ABLIM2: variants seen among roughly 807,000 people sequenced by gnomAD.
ABLIM2 encodes actin binding LIM protein family member 2, also known as actin-binding LIM protein 2.
Under a neutral mutation model 97.7 loss-of-function variants are expected in ABLIM2, and 53 were observed. The ratio of observed to expected loss-of-function variants is 0.54; its 90% confidence interval spans 0.44 to 0.68. ABLIM2 has a LOEUF of 0.68. Among genes scored for constraint, ABLIM2 ranks in the 30% least tolerant of loss-of-function variants. The probability of loss-of-function intolerance (pLI) is 0.00; values close to 1 mark genes in which losing one functional copy is unlikely to be tolerated. For synonymous variants in ABLIM2, 361 were observed against 345.8 expected, an observed-to-expected ratio of 1.04 and a Z score of -0.49; for missense variants, 835 against 867.2, an observed-to-expected ratio of 0.96 and a Z score of 0.47.
rs1297518570 is a variant in ABLIM2 at position 8,033,498 on chromosome 4, G to A, written c.1047+2651C>T. Among the ~76,000 whole-genome samples, 3 of 152,230 alleles carry A rather than the reference G, an allele frequency of 2.0e-5. No individual in the cohort carries two copies. Among genetic ancestry groups the A allele is most frequent in the African/African-American group, 7.2e-5 (3 of 41,464 alleles). On this transcript the variant is annotated intron_variant, in intron 10 of 20. Coordinates refer to ENST00000447017, the MANE Select transcript of ABLIM2 (RefSeq NM_001130083.2). The surrounding 1 kb of genome is among the most constrained non-coding windows in gnomAD (Gnocchi z 4.5). ...CGGCCATCGGCATAGAGGAAGCTCT[G>A]TATGGACACACCTGACCCAGGAGCC...
In ABLIM2 at chr4:8,155,021, G is replaced by A. The variant is rs1021961796; in HGVS notation, c.10+3659C>T. On this transcript the variant is annotated intron_variant, in intron 1 of 20. Coordinates refer to ENST00000447017, the MANE Select transcript of ABLIM2 (RefSeq NM_001130083.2). The surrounding 1 kb of genome is among the most constrained non-coding windows in gnomAD (Gnocchi z 4.2). ...ATCACCACCATGAGAACAGTATGGG[G>A]GAAACCACCCCTGTGATTCAATTAT... is the stretch of plus-strand genomic sequence containing the variant. 1.3e-5 allele frequency among the ~76,000 whole-genome samples: 2 copies of A among 152,160 alleles called. No individual in the cohort carries two copies. Among genetic ancestry groups the A allele is most frequent in the African/African-American group, 4.8e-5 (2 of 41,418 alleles).
intron 1 of ABLIM2, among the ~76,000 whole-genome samples, chr4:8,154,826 T>C (rs986837334): frequency 6.6e-6 from 1 of 152,136 alleles, no homozygotes; most frequent in Admixed American, 6.5e-5. Context: ...GACTGGGTAA[T>C]TTGTAAAGGA....
intron 1 of ABLIM2, among the ~76,000 whole-genome samples, chr4:8,141,161 C>T (rs1180682749): frequency 6.6e-6 from 1 of 152,168 alleles, no homozygotes; most frequent in Non-Finnish European, 1.5e-5. Flanking sequence ...CTTGTCTCTT[C>T]CCGGCCATGT....
At chr4:7,967,752 GGAGT>G (rs201214431) in intron 20 of ABLIM2, among the ~76,000 whole-genome samples, 3,381 of 152,360 alleles carry the variant, frequency 0.022, 34 homozygotes, top group Non-Finnish European at 0.037. Flanking sequence ...GGATGCCATA[GGAGT>G]GAGTTAGACC....
At position 8,032,699 on chromosome 4, in the gene ABLIM2, A is replaced by G; in HGVS notation, c.1048-2923T>C. The G allele has an allele frequency of 6.2e-7, 1 of 1,612,362 alleles. No homozygotes were observed. The highest frequency in any genetic ancestry group is 1.3e-5 in the African/African-American group (1 of 75,002). ...GAGGGGACTGTGGACACAACACACA[A>G]AGTGGCCATTAGTGCTGGCGCCAGG... is the stretch of plus-strand genomic sequence containing the variant. On this transcript the variant is annotated intron_variant, in intron 10 of 20. Transcript: ENST00000447017. This position sits in a 1 kb window ranked among gnomAD's most constrained non-coding sequence, Gnocchi z 4.3.
At chr4:8,126,425 C>A (rs1456002757) in intron 1 of ABLIM2, among the ~76,000 whole-genome samples, 1 of 148,114 alleles carries the variant, frequency 6.8e-6, no homozygotes, top group Non-Finnish European at 1.5e-5. Flanking sequence ...CACTGTTCTC[C>A]CTCCCCTCCC....
rs1722866994 is a variant in ABLIM2, at chr4:7,966,123, GA to G, written c.*866del. ...AAGGTTACCTGTGTGACGAGAAAAA[GA>G]AAAAAGAAAAAGAAAAGAAACTAGA... On this transcript the variant is annotated 3_prime_UTR_variant, in exon 21 of 21. Transcript: ENST00000447017. The G allele has an allele frequency of 6.6e-6, 1 of 152,054 alleles. No individual in the cohort carries two copies. Among genetic ancestry groups the G allele is most frequent in the Non-Finnish European group, 1.5e-5 (1 of 68,030 alleles). 9.4% of individuals were successfully genotyped at this position (152,054 alleles called of 1,614,324 possible).
At chr4:8,064,847 G>T (rs911500836) in intron 6 of ABLIM2, among the ~76,000 whole-genome samples, 3 of 152,188 alleles carry the variant, frequency 2.0e-5, no homozygotes, top group Non-Finnish European at 4.4e-5. Flanking sequence ...TTGTAAAAAT[G>T]TACCAAGATG....
chr4:8,034,339 G>A (rs1016611001), intron 10 of ABLIM2, among the ~76,000 whole-genome samples: 7 of 150,736 alleles, frequency 4.6e-5, no homozygotes, highest in African/African-American at 7.3e-5. Context: ...ATGCACATGG[G>A]TGCAGGTAGG....
At chr4:8,143,974 G>A (rs1851408881) in intron 1 of ABLIM2, among the ~76,000 whole-genome samples, 1 of 152,166 alleles carries the variant, frequency 6.6e-6, no homozygotes, top group African/African-American at 2.4e-5. Flanking sequence ...GCGCTCGGAG[G>A]GGAGGACTTA....
chr4:7,966,933 G>T lies in ABLIM2; in HGVS notation c.*57C>A. On this transcript the variant is annotated 3_prime_UTR_variant, in exon 21 of 21. Transcript: ENST00000447017. ...TGTGGGAGGGGTGTGTGCGGTTCTC[G>T]CCAGGGGCCCCTGGCCTCGGCGCCC... 2.2e-6 allele frequency: 3 copies of T among 1,370,208 alleles called. No individual in the cohort carries two copies. The highest frequency in any genetic ancestry group is 3.1e-6 in the Non-Finnish European group (3 of 980,654). The allele number at this position is 1,370,208 out of a possible 1,614,324, so 84.9% of individuals were successfully genotyped here. A position where few individuals can be genotyped will look rare whatever the true frequency, so the allele number is the denominator to read the frequency against.
rs1159627655 is a variant in ABLIM2 at position 8,095,429 on chromosome 4, CTGAACACTTATA to C, written c.338+1658_338+1669del. 6.6e-6 allele frequency among the ~76,000 whole-genome samples: 1 copy of C among 152,126 alleles called. No homozygotes were observed. The highest frequency in any genetic ancestry group is 1.5e-5 in the Non-Finnish European group (1 of 68,028). On this transcript the variant is annotated intron_variant, in intron 3 of 20. Transcript: ENST00000447017. The surrounding 1 kb of genome is among the most constrained non-coding windows in gnomAD (Gnocchi z 4.7). ...ATCACCAGCAAGTTTTGATTGGACA[CTGAACACTTATA>C]AATTTTACGTTGTTGAATGCTGGAT... is the stretch of plus-strand genomic sequence containing the variant.
intron 6 of ABLIM2, among the ~76,000 whole-genome samples, chr4:8,076,625 C>A (rs1027578658): frequency 1.1e-4 from 17 of 152,016 alleles, no homozygotes; most frequent in African/African-American, 3.9e-4. Flanking sequence ...TTCTCGAGAC[C>A]CCCCTGGTCA....
At chr4:8,009,340 C>T (rs796971834) in intron 14 of ABLIM2, among the ~76,000 whole-genome samples, 27 of 152,314 alleles carry the variant, frequency 1.8e-4, no homozygotes, top group African/African-American at 6.3e-4. Flanking sequence ...CAGTTCTAGC[C>T]AAACACCCAC....
rs1383957623 is a variant in ABLIM2, at chr4:8,058,518, A to C, written c.763+2449T>G. 2.0e-5 allele frequency among the ~76,000 whole-genome samples: 3 copies of C among 152,228 alleles called. No homozygotes were observed. Among genetic ancestry groups the C allele is most frequent in the Admixed American group, 6.5e-5 (1 of 15,286 alleles). ...CCTCTGGGAGCACTGGTGACAGAGAATCTTCAAAAGGGAGCTGTGGCTAAA... is the reference window on the plus strand; with the variant it reads ...CCTCTGGGAGCACTGGTGACAGAGACTCTTCAAAAGGGAGCTGTGGCTAAA... On this transcript the variant is annotated intron_variant, in intron 7 of 20. Coordinates refer to ENST00000447017, the MANE Select transcript of ABLIM2 (RefSeq NM_001130083.2). This position sits in a 1 kb window ranked among gnomAD's most constrained non-coding sequence, Gnocchi z 4.2.
At chr4:8,158,585 C>T in intron 1 of ABLIM2, 95 bp downstream of exon 1, 1 of 1,413,602 alleles carries the variant, frequency 7.1e-7, no homozygotes, top group African/African-American at 1.5e-5. Context: ...TGATTTTCCC[C>T]GGCGTTGCAG....
At chr4:8,086,407 G>C (rs1823690515) in intron 4 of ABLIM2, among the ~76,000 whole-genome samples, 2 of 147,588 alleles carry the variant, frequency 1.4e-5, no homozygotes, top group South Asian at 4.3e-4. Flanking sequence ...GAGTGCAGTG[G>C]TGCAATCCCA....
intron 20 of ABLIM2, among the ~76,000 whole-genome samples, chr4:7,974,854 T>C (rs1168582415): frequency 6.6e-6 from 1 of 152,224 alleles, no homozygotes; most frequent in Non-Finnish European, 1.5e-5. Context: ...CCCTGGTTGA[T>C]AGACTTTCCT....
intron 19 of ABLIM2, 22 bp downstream of exon 19, chr4:7,983,525 G>A (rs752497933): frequency 1.2e-6 from 2 of 1,613,064 alleles, no homozygotes; most frequent in Non-Finnish European, 8.5e-7. Flanking sequence ...ACGGAGGTCA[G>A]TGTGGGAGCG....
Sources: gnomAD v4.1 joint callset for allele counts (sites outside exome capture counted in the v4.1 genomes callset) on GRCh38, gnomAD v4.1.1 for gene constraint, Gnocchi (gnomAD v3.1) non-coding constraint, MANE v1.5 for transcripts, NCBI Gene and HGNC (gene_info 2026-07-23, HGNC 2026-07-21) for gene names.